Variants in EPHA6 observed in about 807,000 individuals in gnomAD.
The protein encoded by EPHA6 is EPH receptor A6, also known as ephrin type-A receptor 6.
In EPHA6, 50 loss-of-function variants were observed where a neutral mutation model predicts 112.0. The observed-to-expected ratio is 0.45, with a 90% CI of 0.36 to 0.56. The LOEUF is 0.56. Ranked by LOEUF, EPHA6 falls within the 20% of genes least tolerant of loss-of-function variation. EPHA6 has a pLI of 0.00. For synonymous variants in EPHA6, 529 were observed against 490.7 expected, an observed-to-expected ratio of 1.08 and a Z score of -1.03; for missense variants, 1,280 against 1,417.4, an observed-to-expected ratio of 0.90 and a Z score of 1.56.
chr3:97,153,664 G>C (rs1044920872), intron 3 of EPHA6, among the ~76,000 whole-genome samples: 1 of 151,786 alleles, frequency 6.6e-6, no homozygotes, highest in Non-Finnish European at 1.5e-5. Context: ...GGGAATAATT[G>C]ATATCTAATA....
At chr3:97,008,059 G>A (rs936201133) in intron 3 of EPHA6, among the ~76,000 whole-genome samples, 15 of 152,074 alleles carry the variant, frequency 9.9e-5, no homozygotes, top group African/African-American at 3.6e-4. Flanking sequence ...TTTCGACCTT[G>A]GAGAATCTGA....
intron 10 of EPHA6, among the ~76,000 whole-genome samples, chr3:97,486,495 G>A (rs1196590811): frequency 5.3e-5 from 8 of 152,142 alleles, no homozygotes; most frequent in South Asian, 2.1e-4. Context: ...AGGTCCTGGC[G>A]GCTGAAGTCA....
At chr3:97,466,266 A>G (rs2091049914) in intron 7 of EPHA6, 4 of 1,157,422 alleles carry the variant, frequency 3.5e-6, no homozygotes, top group Non-Finnish European at 1.3e-6. Flanking sequence ...GATGACAGTA[A>G]GGTTAGATAG....
intron 14 of EPHA6, among the ~76,000 whole-genome samples, chr3:97,694,425 T>C (rs1178778443): frequency 6.6e-6 from 1 of 152,036 alleles, no homozygotes; most frequent in African/African-American, 2.4e-5. Context: ...TTGGTAGAGA[T>C]GGGGTTTCAC....
intron 3 of EPHA6, among the ~76,000 whole-genome samples, chr3:97,022,653 C>T (rs1201487539): frequency 6.6e-6 from 1 of 152,156 alleles, no homozygotes; most frequent in Non-Finnish European, 1.5e-5. Flanking sequence ...TGTTGCTTCT[C>T]AGGCTGACAC....
chr3:97,055,915 T>A (rs1229280865), intron 3 of EPHA6, among the ~76,000 whole-genome samples: 1 of 152,184 alleles, frequency 6.6e-6, no homozygotes, highest in Non-Finnish European at 1.5e-5. Flanking sequence ...AAGATTTTGA[T>A]CTGATGTAAT....
intron 1 of EPHA6, among the ~76,000 whole-genome samples, chr3:96,856,202 T>TG (rs2035687882): frequency 6.6e-6 from 1 of 151,918 alleles, no homozygotes; most frequent in East Asian, 1.9e-4. Flanking sequence ...ATCGCGCCAC[T>TG]GCACATCAGC....
Position 97,167,146 on chromosome 3 carries a change from A to T in EPHA6, c.1115-59118A>T, listed in dbSNP as rs572718361. Among the ~76,000 whole-genome samples the T allele has an allele frequency of 4.6e-5, 7 of 152,280 alleles. No individual in the cohort carries two copies. The South Asian group carries it at 1.5e-3, about 32-fold the overall frequency. Reference sequence around the variant, plus strand: ...GCATCTTTTCTGTTTATTTATATTAAAGCAATACAGTATATTATCTGTTTG... The same window carrying T: ...GCATCTTTTCTGTTTATTTATATTATAGCAATACAGTATATTATCTGTTTG... On this transcript the variant is annotated intron_variant, in intron 3 of 17. Coordinates refer to ENST00000389672, the MANE Select transcript of EPHA6 (RefSeq NM_001080448.3).
At chr3:97,088,104 C>T (rs1194523150) in intron 3 of EPHA6, among the ~76,000 whole-genome samples, 2 of 151,902 alleles carry the variant, frequency 1.3e-5, no homozygotes, top group Admixed American at 6.6e-5. Flanking sequence ...TTGCTTGAAC[C>T]GGGGAGGCAG....
intron 3 of EPHA6, among the ~76,000 whole-genome samples, chr3:97,156,747 C>G (rs1210683304): frequency 6.6e-6 from 1 of 152,094 alleles, no homozygotes; most frequent in African/African-American, 2.4e-5. Context: ...TTGTTTTACT[C>G]TTAACCTCTT....
intron 5 of EPHA6, among the ~76,000 whole-genome samples, chr3:97,280,567 A>T (rs986376192): frequency 4.6e-5 from 7 of 152,070 alleles, no homozygotes; most frequent in African/African-American, 1.7e-4. Context: ...TATAAAACTG[A>T]GGTTGAACTG....
intron 3 of EPHA6, among the ~76,000 whole-genome samples, chr3:97,024,713 A>G (rs2044578456): frequency 6.6e-6 from 1 of 152,204 alleles, no homozygotes; most frequent in Admixed American, 6.5e-5. Flanking sequence ...TTCATTGAAC[A>G]TATTGGACAC....
rs75666453 is a variant in EPHA6 at position 97,445,403 on chromosome 3, C to G, written c.1732-3165C>G. Among the ~76,000 whole-genome samples the G allele has an allele frequency of 1.8e-3, 272 of 152,282 alleles. 1 individual carries two copies. The Middle Eastern group carries it at 0.02, about 11-fold the overall frequency. ...ATTTATTTACTCCCTGATACCATGTCTTAATCCACAAAAATGTGCAAGTAA... is the reference window on the plus strand; with the variant it reads ...ATTTATTTACTCCCTGATACCATGTGTTAATCCACAAAAATGTGCAAGTAA... On this transcript the variant is annotated intron_variant, in intron 6 of 17. Transcript: ENST00000389672.
chr3:97,151,234 A>C (rs1213266775), intron 3 of EPHA6, among the ~76,000 whole-genome samples: 4 of 152,140 alleles, frequency 2.6e-5, no homozygotes, highest in Non-Finnish European at 5.9e-5. Context: ...GCTTCATTTT[A>C]AGTATGATTT....
intron 5 of EPHA6, among the ~76,000 whole-genome samples, chr3:97,379,742 C>G (rs1318995131): frequency 4.0e-5 from 4 of 99,322 alleles, no homozygotes; most frequent in African/African-American, 1.9e-4. Context: ...GGGTGAGACT[C>G]TGTCTCCCCA....
intron 3 of EPHA6, among the ~76,000 whole-genome samples, chr3:96,993,775 A>G (rs1383228740): frequency 1.3e-5 from 2 of 152,270 alleles, no homozygotes; most frequent in East Asian, 3.9e-4. Flanking sequence ...ATATATAGAT[A>G]TGGATTCATC....
chr3:96,937,841 C>T (rs1576097768), intron 2 of EPHA6, among the ~76,000 whole-genome samples: 1 of 152,230 alleles, frequency 6.6e-6, no homozygotes, highest in East Asian at 1.9e-4. Flanking sequence ...GCCAGTTTTC[C>T]CAGCACCATT....
At chr3:96,851,201 G>C (rs931245279) in intron 1 of EPHA6, among the ~76,000 whole-genome samples, 1 of 151,894 alleles carries the variant, frequency 6.6e-6, no homozygotes, top group Non-Finnish European at 1.5e-5. Flanking sequence ...ATCTTTCCAG[G>C]GTTCCCTATT....
intron 2 of EPHA6, among the ~76,000 whole-genome samples, chr3:96,957,863 A>C (rs2041817732): frequency 6.6e-6 from 1 of 152,124 alleles, no homozygotes; most frequent in South Asian, 2.1e-4. Flanking sequence ...TTATGCATTC[A>C]TCAGGTGATC....
Sources: allele counts gnomAD v4.1 joint callset (sites outside exome capture counted in the v4.1 genomes callset), GRCh38; gene constraint gnomAD v4.1.1; transcripts MANE v1.5; gene names NCBI Gene and HGNC (gene_info 2026-07-23, HGNC 2026-07-21).